Variants in SGMS1 observed in about 807,000 individuals in gnomAD.
SGMS1 encodes the protein phosphatidylcholine:ceramide cholinephosphotransferase 1.
SGMS1 carries 13 observed loss-of-function variants against 46.2 expected under a neutral mutation model. The ratio of observed to expected loss-of-function variants is 0.28; its 90% CI spans 0.18 to 0.45. The LOEUF (loss-of-function observed/expected upper bound fraction) is 0.45. Ranked by LOEUF, SGMS1 falls within the 20% of genes least tolerant of loss-of-function variation. The probability of loss-of-function intolerance (pLI) is 1.00; values close to 1 mark genes in which losing one functional copy is unlikely to be tolerated. For synonymous variants in SGMS1, 203 were observed against 187.8 expected (o/e 1.08, Z -0.66); for missense variants, 324 against 519.9 (o/e 0.62, Z 3.66).
At chr10:50,438,070 G>A (rs1367177618) in intron 5 of SGMS1, among the ~76,000 whole-genome samples, 8 of 152,208 alleles carry the variant, frequency 5.3e-5, no homozygotes, top group South Asian at 4.2e-4. Context: ...TGAGAAACAC[G>A]CTGCTATTAA....
At chr10:50,376,721 T>C (rs1848527473) in intron 6 of SGMS1, among the ~76,000 whole-genome samples, 2 of 152,170 alleles carry the variant, frequency 1.3e-5, no homozygotes, top group South Asian at 2.1e-4. Flanking sequence ...CTGAGAATGA[T>C]GGTTTCCAGC....
chr10:50,416,024 C>T (rs1203415), intron 6 of SGMS1, among the ~76,000 whole-genome samples: 1 of 151,910 alleles, frequency 6.6e-6, no homozygotes, highest in Non-Finnish European at 1.5e-5. Context: ...TGTGCATTAA[C>T]GAGCTCATTA....
At chr10:50,610,079 G>A (rs896007599) in intron 1 of SGMS1, among the ~76,000 whole-genome samples, 20 of 152,054 alleles carry the variant, frequency 1.3e-4, no homozygotes, top group Admixed American at 2.0e-4. Context: ...AGCATCATAC[G>A]CACCTCCCCG....
At chr10:50,543,718 T>A (rs1386792351) in intron 2 of SGMS1, among the ~76,000 whole-genome samples, 1 of 152,228 alleles carries the variant, frequency 6.6e-6, no homozygotes, top group Non-Finnish European at 1.5e-5. Flanking sequence ...AATAATCTTC[T>A]TGTTAAAACT....
At chr10:50,529,345 G>A (rs1837931676) in intron 2 of SGMS1, among the ~76,000 whole-genome samples, 1 of 152,112 alleles carries the variant, frequency 6.6e-6, no homozygotes, top group African/African-American at 2.4e-5. Flanking sequence ...CCCTGAAACG[G>A]CAAAGTCCAT....
chr10:50,491,272 G>C (rs920640067), intron 3 of SGMS1, among the ~76,000 whole-genome samples: 1 of 152,120 alleles, frequency 6.6e-6, no homozygotes, highest in Non-Finnish European at 1.5e-5. Context: ...GAGGATCCTC[G>C]AGCCCCACAG....
intron 7 of SGMS1, among the ~76,000 whole-genome samples, chr10:50,330,191 C>T (rs535754615): frequency 2.6e-5 from 4 of 152,208 alleles, no homozygotes; most frequent in South Asian, 2.1e-4. Context: ...TGGTGACTCA[C>T]GCCTGTAATC....
At chr10:50,602,261 T>C (rs1838656141) in intron 1 of SGMS1, among the ~76,000 whole-genome samples, 1 of 152,234 alleles carries the variant, frequency 6.6e-6, no homozygotes, top group African/African-American at 2.4e-5. Flanking sequence ...TTCATTCCAA[T>C]GCCTACTTCC....
intron 8 of SGMS1, among the ~76,000 whole-genome samples, chr10:50,314,645 A>G (rs531587627): frequency 4.6e-5 from 7 of 152,308 alleles, no homozygotes; most frequent in African/African-American, 1.7e-4. Context: ...ACTAATCACA[A>G]AAGCAACAGG....
intron 1 of SGMS1, among the ~76,000 whole-genome samples, chr10:50,595,954 T>G (rs1312621579): frequency 6.6e-6 from 1 of 152,122 alleles, no homozygotes; most frequent in Admixed American, 6.6e-5. Flanking sequence ...ATCTTTTATT[T>G]CAAAGGGTTG....
At chr10:50,386,598 G>T (rs1240460364) in intron 6 of SGMS1, among the ~76,000 whole-genome samples, 1 of 152,126 alleles carries the variant, frequency 6.6e-6, no homozygotes, top group South Asian at 2.1e-4. Context: ...GACAGATGGA[G>T]CTTCATGCTC....
At chr10:50,539,399 G>A (rs1273187478) in intron 2 of SGMS1, among the ~76,000 whole-genome samples, 1 of 152,166 alleles carries the variant, frequency 6.6e-6, no homozygotes, top group Non-Finnish European at 1.5e-5. Flanking sequence ...TATAGTGTTG[G>A]CATTGATATG....
chr10:50,571,787 A>AAG (rs200105669), intron 2 of SGMS1, among the ~76,000 whole-genome samples: 5,095 of 152,306 alleles, frequency 0.033, 122 homozygotes, highest in Non-Finnish European at 0.05. Flanking sequence ...ATATGCACAC[A>AAG]TACATATAAT....
At chr10:50,400,396 CAT>C (rs10524155) in intron 6 of SGMS1, among the ~76,000 whole-genome samples, 82 of 98,672 alleles carry the variant, frequency 8.3e-4, no homozygotes, top group Non-Finnish European at 1.1e-3. Context: ...CACATCCTGG[CAT>C]ATATATATAT....
At chr10:50,576,285 C>G (rs1212610745) in intron 2 of SGMS1, among the ~76,000 whole-genome samples, 1 of 152,140 alleles carries the variant, frequency 6.6e-6, no homozygotes, top group African/African-American at 2.4e-5. Context: ...GTAAATCTCT[C>G]AGAGAATGTC....
chr10:50,492,856 A>G (rs1189462174), intron 3 of SGMS1, among the ~76,000 whole-genome samples: 1 of 152,182 alleles, frequency 6.6e-6, no homozygotes. Flanking sequence ...AATCCTAATG[A>G]AAAAGAACAA....
intron 2 of SGMS1, among the ~76,000 whole-genome samples, chr10:50,566,753 C>A (rs1335328878): frequency 1.3e-5 from 2 of 152,144 alleles, no homozygotes; most frequent in African/African-American, 4.8e-5. Context: ...GGTTTCAGGA[C>A]CCCTGGCAGA....
At chr10:50,398,687 CCA>C (rs1848884194) in intron 6 of SGMS1, among the ~76,000 whole-genome samples, 1 of 152,154 alleles carries the variant, frequency 6.6e-6, no homozygotes, top group Admixed American at 6.5e-5. Flanking sequence ...TATCAAGCCA[CCA>C]CATGAAGAAA....
intron 6 of SGMS1, among the ~76,000 whole-genome samples, chr10:50,385,907 C>T (rs1234621327): frequency 6.6e-6 from 1 of 152,120 alleles, no homozygotes; most frequent in Non-Finnish European, 1.5e-5. Context: ...GTGAAGGGCT[C>T]TGTCTCACTT....
Sources: allele counts gnomAD v4.1 joint callset (sites outside exome capture counted in the v4.1 genomes callset), GRCh38; gene constraint gnomAD v4.1.1; transcripts MANE v1.5; gene names NCBI Gene and HGNC (gene_info 2026-07-23, HGNC 2026-07-21).